The following GABPB1 variants were observed in gnomAD, a reference collection of about 807,000 sequenced individuals.
GABPB1 encodes the protein GA binding protein transcription factor subunit beta 1.
Under a neutral mutation model 45.9 loss-of-function variants are expected in GABPB1, and 15 were observed. That is an observed-to-expected ratio of 0.33 (90% confidence interval 0.22 to 0.50). The LOEUF (loss-of-function observed/expected upper bound fraction) is 0.50. Among genes scored for constraint, GABPB1 ranks in the 20% least tolerant of loss-of-function variants. The pLI is 0.98. For synonymous variants in GABPB1, 143 were observed against 154.4 expected, an observed-to-expected ratio of 0.93 and a Z score of 0.55; for missense variants, 252 against 457.5, an observed-to-expected ratio of 0.55 and a Z score of 4.10.
chr15:50,278,808 T>TA (rs1311207568), intron 8 of GABPB1, 24 bp from the exon 9 acceptor site: 2 of 1,567,470 alleles, frequency 1.3e-6, no homozygotes, highest in South Asian at 1.2e-5. Context: ...GAGGGTTTTT[T>TA]TTTTAATTTT....
intron 1 of GABPB1, chr15:50,353,741 G>T (rs556361505): frequency 9.8e-5 from 15 of 152,290 alleles, no homozygotes; most frequent in African/African-American, 3.1e-4. Flanking sequence ...CTATCTACAG[G>T]AAAGAATGAC....
chr15:50,315,091 G>C (rs2047269841), intron 1 of GABPB1, among the ~76,000 whole-genome samples: 1 of 152,074 alleles, frequency 6.6e-6, no homozygotes, highest in Non-Finnish European at 1.5e-5. Context: ...ATCAAAACAT[G>C]ATTTTTTTGA....
At chr15:50,345,993 G>A (rs2048563510) in intron 1 of GABPB1, among the ~76,000 whole-genome samples, 1 of 152,066 alleles carries the variant, frequency 6.6e-6, no homozygotes, top group Admixed American at 6.5e-5. Context: ...TTACAGGCAT[G>A]AGCCACCACG....
rs1056214486 is a variant in GABPB1 at position 50,277,223 on chromosome 15, A to C, written c.*1409T>G. On this transcript the variant is annotated 3_prime_UTR_variant, in exon 9 of 9. Transcript: ENST00000380877. ...AGGATAACATTTTTAATGTGTTAATAAGATGTGATAAAAACATAAGTCTAC... is the reference window on the plus strand; with the variant it reads ...AGGATAACATTTTTAATGTGTTAATCAGATGTGATAAAAACATAAGTCTAC... 1 of 152,214 alleles carries C rather than the reference A, an allele frequency of 6.6e-6. No homozygotes were observed. The highest frequency in any genetic ancestry group is 2.4e-5 in the African/African-American group (1 of 41,444). 9.4% of individuals were successfully genotyped at this position (152,214 alleles called of 1,614,324 possible).
At chr15:50,339,879 T>C (rs1021282329) in intron 1 of GABPB1, among the ~76,000 whole-genome samples, 2 of 152,168 alleles carry the variant, frequency 1.3e-5, no homozygotes, top group East Asian at 3.8e-4. Context: ...CATTACCTGA[T>C]AATATTATCA....
intron 1 of GABPB1, among the ~76,000 whole-genome samples, chr15:50,338,486 G>A (rs2048226242): frequency 6.6e-6 from 1 of 152,044 alleles, no homozygotes; most frequent in African/African-American, 2.4e-5. Flanking sequence ...ACTTCAAAGA[G>A]ATTTGTTTTT....
At chr15:50,306,613 C>A (rs889950772) in intron 2 of GABPB1, among the ~76,000 whole-genome samples, 1 of 144,580 alleles carries the variant, frequency 6.9e-6, no homozygotes, top group African/African-American at 2.6e-5. Flanking sequence ...GGCAACAGAG[C>A]GAAACTCTGT....
chr15:50,296,905 C>CTT (rs72486745), intron 6 of GABPB1, among the ~76,000 whole-genome samples: 704 of 91,334 alleles, frequency 7.7e-3, no homozygotes, highest in East Asian at 0.016. Flanking sequence ...TAACTTAATT[C>CTT]TTTTTTTTTT....
chr15:50,326,367 T>G (rs547634163), intron 1 of GABPB1, among the ~76,000 whole-genome samples: 1 of 150,082 alleles, frequency 6.7e-6, no homozygotes, highest in East Asian at 2.0e-4. Flanking sequence ...TTTTTAAAAA[T>G]TAGCCAAGAG....
intron 6 of GABPB1, among the ~76,000 whole-genome samples, chr15:50,293,434 T>C (rs189927009): frequency 0.01 from 1,533 of 152,336 alleles, 19 homozygotes; most frequent in Non-Finnish European, 0.015. Flanking sequence ...TTGAGCTCTC[T>C]TGTAATTTTT....
At chr15:50,353,003 G>A (rs1021243228) in intron 1 of GABPB1, 1 of 152,156 alleles carries the variant, frequency 6.6e-6, no homozygotes, top group African/African-American at 2.4e-5. Flanking sequence ...ATTCACTGCA[G>A]AATTAATTTT....
intron 1 of GABPB1, among the ~76,000 whole-genome samples, chr15:50,310,860 C>T (rs1195377939): frequency 6.6e-6 from 1 of 151,798 alleles, no homozygotes; most frequent in Non-Finnish European, 1.5e-5. Context: ...ACCTAGGGTC[C>T]CAGCTACTCA....
chr15:50,283,030 G>C (rs577633348), intron 8 of GABPB1, among the ~76,000 whole-genome samples: 1 of 152,164 alleles, frequency 6.6e-6, no homozygotes, highest in East Asian at 1.9e-4. Flanking sequence ...ATTCCAGCCT[G>C]AGCAACAGGG....
intron 3 of GABPB1, 41 bp downstream of exon 3, chr15:50,303,925 T>C (rs376508608): frequency 6.7e-7 from 1 of 1,485,044 alleles, no homozygotes; most frequent in African/African-American, 1.4e-5. Flanking sequence ...TATAAAACCG[T>C]AAAGTATTTT....
chr15:50,299,447 T>C (rs1042290193), intron 6 of GABPB1, among the ~76,000 whole-genome samples: 1 of 152,236 alleles, frequency 6.6e-6, no homozygotes, highest in African/African-American at 2.4e-5. Context: ...TTGCCCAGGC[T>C]GGAGTGCAAT....
chr15:50,279,675 A>T (rs1428405622), intron 8 of GABPB1, among the ~76,000 whole-genome samples: 2 of 152,156 alleles, frequency 1.3e-5, no homozygotes, highest in Non-Finnish European at 2.9e-5. Context: ...CAAGGACAAA[A>T]GCTCAACCTC....
chr15:50,326,901 G>C (rs1455042584), intron 1 of GABPB1, among the ~76,000 whole-genome samples: 1 of 151,856 alleles, frequency 6.6e-6, no homozygotes, highest in Admixed American at 6.6e-5. Flanking sequence ...TGCTGAATAC[G>C]CTTTCCTTCT....
chr15:50,313,273 C>T (rs1041566381), intron 1 of GABPB1, among the ~76,000 whole-genome samples: 1 of 152,108 alleles, frequency 6.6e-6, no homozygotes, highest in East Asian at 1.9e-4. Flanking sequence ...GCAAAAAATG[C>T]TCAGTGTCAC....
chr15:50,321,031 T>C (rs1384719455), intron 1 of GABPB1, among the ~76,000 whole-genome samples: 1 of 152,212 alleles, frequency 6.6e-6, no homozygotes, highest in African/African-American at 2.4e-5. Context: ...ACTAAGGTTG[T>C]AGTAATTTGT....
Sources: allele counts gnomAD v4.1 joint callset (sites outside exome capture counted in the v4.1 genomes callset), GRCh38; gene constraint gnomAD v4.1.1; transcripts MANE v1.5; gene names NCBI Gene and HGNC (gene_info 2026-07-23, HGNC 2026-07-21).